PHF12: variants seen among roughly 807,000 people sequenced by gnomAD.
PHF12 encodes the protein PHD finger protein 12, also known as PHD factor 1.
PHF12 carries 6 observed loss-of-function variants against 99.8 expected under a neutral mutation model. The ratio of observed to expected loss-of-function variants is 0.06; its 90% CI spans 0.03 to 0.12. The LOEUF (loss-of-function observed/expected upper bound fraction) is 0.12. PHF12 is among the 10% of genes least tolerant of loss of function. The pLI, the probability that PHF12 is intolerant of heterozygous loss-of-function variation, is 1.00. For synonymous variants in PHF12, 480 were observed against 514.9 expected (o/e 0.93, Z 0.92); for missense variants, 954 against 1,300.1 (o/e 0.73, Z 4.09).
chr17:28,951,309 C>T lies in PHF12; in HGVS notation c.-349G>A. 1 of 1,097,180 alleles carries T rather than the reference C, an allele frequency of 9.1e-7. No homozygotes were observed. The highest frequency in any genetic ancestry group is 1.1e-6 in the Non-Finnish European group (1 of 898,598). The allele number at this position is 1,097,180 out of a possible 1,614,324, so 68.0% of individuals were successfully genotyped here. ...CGGGAAGGCTGGCGGGCGCTGCCATCCCGGGGCTGGGGGTATCGGAGGGGG... is the reference window on the plus strand; with the variant it reads ...CGGGAAGGCTGGCGGGCGCTGCCATTCCGGGGCTGGGGGTATCGGAGGGGG... On this transcript the variant is annotated 5_prime_UTR_variant, in exon 1 of 15. Coordinates refer to ENST00000332830, the MANE Select transcript of PHF12 (RefSeq NM_001033561.2).
rs2039991235 is a variant in PHF12 at position 28,912,900 on chromosome 17, A to G, written c.1671T>C (p.Thr557=). The G allele has an allele frequency of 6.2e-7, 1 of 1,614,056 alleles. No individual in the cohort carries two copies. Residue 557 remains threonine, a synonymous_variant, in exon 9 of 15, where the codon ACT becomes ACC. Coordinates refer to ENST00000332830, the MANE Select transcript of PHF12 (RefSeq NM_001033561.2). The part of the protein sequence containing the change: ...ANGPHLYSSP[T]DSTDPRRLPG... The stretch of plus-strand genomic sequence containing the variant: ...GAAGTCGCCGGGGGTCCGTGGAATC[A>G]GTAGGGCTGCTGTAGAGGTGTGGGC...
chr17:28,915,218 T>C (rs1567953118), intron 7 of PHF12, among the ~76,000 whole-genome samples: 1 of 152,112 alleles, frequency 6.6e-6, no homozygotes, highest in Non-Finnish European at 1.5e-5. Flanking sequence ...ATGTAAGGCA[T>C]AGAGATGTGA....
intron 6 of PHF12, among the ~76,000 whole-genome samples, chr17:28,918,703 A>C (rs1485344755): frequency 3.3e-5 from 5 of 152,188 alleles, no homozygotes; most frequent in Non-Finnish European, 7.3e-5. Context: ...CTCAGTCTGG[A>C]AAATAAACCC....
chr17:28,922,697 C>T (rs2040187929), intron 4 of PHF12, among the ~76,000 whole-genome samples: 2 of 152,030 alleles, frequency 1.3e-5, no homozygotes, highest in Non-Finnish European at 2.9e-5. Context: ...ACCTAAATGT[C>T]CATTAATAGA....
rs535889302 is a variant in PHF12 at position 28,933,175 on chromosome 17, G to C, written c.249-6112C>G. Among the ~76,000 whole-genome samples, 4 of 152,272 alleles carry C rather than the reference G, an allele frequency of 2.6e-5. No homozygotes were observed. The East Asian group carries it at 7.7e-4, about 29-fold the overall frequency. ...TAAAAGTTAAAAGTCACGTAACACT[G>C]AGATTACTCTACCAGAGTTTCAGCT... On this transcript the variant is annotated intron_variant, in intron 2 of 14. Coordinates refer to ENST00000332830, the MANE Select transcript of PHF12 (RefSeq NM_001033561.2).
intron 2 of PHF12, chr17:28,927,773 T>A (rs2040310451): frequency 6.6e-6 from 1 of 152,316 alleles, no homozygotes; most frequent in African/African-American, 2.4e-5. Context: ...AGAGCCCTGC[T>A]GTCATGCTAT....
intron 2 of PHF12, chr17:28,944,554 G>A: frequency 2.0e-6 from 2 of 977,000 alleles, no homozygotes; most frequent in Non-Finnish European, 2.4e-6. Context: ...ACGTAAGGCA[G>A]GAGAATCACT....
intron 2 of PHF12, among the ~76,000 whole-genome samples, chr17:28,934,805 T>C (rs2040478108): frequency 6.6e-6 from 1 of 152,194 alleles, no homozygotes; most frequent in African/African-American, 2.4e-5. Flanking sequence ...TTCACTATCT[T>C]GGTCAGGCTG....
Position 28,914,400 on chromosome 17 carries a change from C to T in PHF12, c.1135-363G>A, listed in dbSNP as rs550396472. Among the ~76,000 whole-genome samples the T allele has an allele frequency of 8.5e-5, 13 of 152,128 alleles. No individual in the cohort carries two copies. The South Asian group carries it at 1.5e-3, about 17-fold the overall frequency. ...GAGATAAAAATGCTTAGGCCAGGCG[C>T]GGTGGCTCACGCCTGTAATCCCAGC... On this transcript the variant is annotated intron_variant, in intron 7 of 14. Coordinates refer to ENST00000332830, the MANE Select transcript of PHF12 (RefSeq NM_001033561.2).
intron 2 of PHF12, 95 bp from the exon 3 acceptor site, chr17:28,927,158 T>C: frequency 8.8e-7 from 1 of 1,141,512 alleles, no homozygotes; most frequent in Non-Finnish European, 1.3e-6. Context: ...ACTCCTATTG[T>C]GGCCAGTCCT....
Position 28,950,982 on chromosome 17 carries a change from T to G in PHF12, c.-22A>C. The stretch of plus-strand genomic sequence containing the variant: ...ACATTCATCCACCTCCCGGGCTGGG[T>G]GCTCTCTGCTCCGGCCCCCCCAACC... On this transcript the variant is annotated 5_prime_UTR_variant, in exon 1 of 15. Transcript: ENST00000332830. The surrounding 1 kb of genome is among the most constrained non-coding windows in gnomAD (Gnocchi z 5.7). 6.2e-7 allele frequency: 1 copy of G among 1,613,266 alleles called. No individual in the cohort carries two copies. Among genetic ancestry groups the G allele is most frequent in the Non-Finnish European group, 8.5e-7 (1 of 1,179,630 alleles).
chr17:28,922,558 A>T (rs1358171845), intron 4 of PHF12, among the ~76,000 whole-genome samples: 1 of 152,204 alleles, frequency 6.6e-6, no homozygotes, highest in Non-Finnish European at 1.5e-5. Context: ...AATATCTATC[A>T]AAACTATATA....
At chr17:28,928,370 G>A (rs1320676406) in intron 2 of PHF12, 1 of 152,232 alleles carries the variant, frequency 6.6e-6, no homozygotes, top group Non-Finnish European at 1.5e-5. Context: ...TAACCAAACA[G>A]CTTTTCCATG....
intron 2 of PHF12, among the ~76,000 whole-genome samples, chr17:28,930,227 C>CT (rs899260033): frequency 6.6e-6 from 1 of 152,188 alleles, no homozygotes; most frequent in Non-Finnish European, 1.5e-5. Context: ...AGCTCTTTAT[C>CT]TTTTGAGACT....
Position 28,908,870 on chromosome 17 carries a change from C to T in PHF12, c.2371G>A (p.Glu791Lys). The T allele has an allele frequency of 6.2e-7, 1 of 1,613,806 alleles. No individual in the cohort carries two copies. The highest frequency in any genetic ancestry group is 8.5e-7 in the Non-Finnish European group (1 of 1,179,848). Residue 791 changes from glutamate to lysine, a missense_variant, in exon 12 of 15, where the codon GAG becomes AAG. Around this residue, in one of 8 missense-constraint regions of PHF12, gnomAD observed 143 missense variants for 191.8 expected, o/e 0.75. Coordinates refer to ENST00000332830, the MANE Select transcript of PHF12 (RefSeq NM_001033561.2). ...TAGAACACAGCTCGGGCCTGTACCT[C>T]CTTTCTTTGCACTACAAGACAAACA... ...GGHHIEVQRK[E>K]VQARAVFYPL...
intron 3 of PHF12, 123 bp from the exon 4 acceptor site, chr17:28,924,425 C>A: frequency 7.5e-7 from 1 of 1,326,400 alleles, no homozygotes; most frequent in Non-Finnish European, 1.1e-6. Flanking sequence ...ACAGACTCAT[C>A]TACCTGGTCA....
chr17:28,948,593 C>G (rs1325738349), intron 2 of PHF12, among the ~76,000 whole-genome samples: 1 of 152,238 alleles, frequency 6.6e-6, no homozygotes, highest in East Asian at 1.9e-4. Flanking sequence ...TCCTACATAA[C>G]TTCTGACCAT....
chr17:28,938,653 C>A (rs1045058213), intron 2 of PHF12, among the ~76,000 whole-genome samples: 1 of 152,150 alleles, frequency 6.6e-6, no homozygotes, highest in Non-Finnish European at 1.5e-5. Context: ...TTGGGCCATG[C>A]CAGCACAGGG....
At chr17:28,928,564 C>T (rs761320006) in intron 2 of PHF12, among the ~76,000 whole-genome samples, 1 of 152,032 alleles carries the variant, frequency 6.6e-6, no homozygotes, top group Non-Finnish European at 1.5e-5. Flanking sequence ...AGCAGATCAC[C>T]TGAGATTGGA....
Sources: gnomAD v4.1 joint callset for allele counts (sites outside exome capture counted in the v4.1 genomes callset) on GRCh38, gnomAD v4.1.1 for gene constraint, gnomAD v4.1.1 regional missense constraint, Gnocchi (gnomAD v3.1) non-coding constraint, MANE v1.5 for transcripts, NCBI Gene and HGNC (gene_info 2026-07-23, HGNC 2026-07-21) for gene names.